Variants in THSD7B observed in about 807,000 individuals in gnomAD.
THSD7B encodes the protein thrombospondin type 1 domain containing 7B, also known as thrombospondin type-1 domain-containing protein 7B.
A neutral mutation model predicts 213.6 loss-of-function variants in THSD7B; 138 were observed. The ratio of observed to expected loss-of-function variants is 0.65; its 90% CI spans 0.56 to 0.74. The LOEUF is 0.74. Ranked by LOEUF, THSD7B falls within the 30% of genes least tolerant of loss-of-function variation. The pLI, the probability that THSD7B is intolerant of heterozygous loss-of-function variation, is 0.00. For missense variants in THSD7B, 1,931 were observed against 1,991.5 expected, an observed-to-expected ratio of 0.97 and a Z score of 0.58; for synonymous variants, 742 against 687.0, an observed-to-expected ratio of 1.08 and a Z score of -1.25.
chr2:137,568,110 G>A (rs1456270504), intron 16 of THSD7B, among the ~76,000 whole-genome samples: 1 of 152,094 alleles, frequency 6.6e-6, no homozygotes, highest in Non-Finnish European at 1.5e-5. Flanking sequence ...ATTGAGTTTG[G>A]CAATGGGGAG....
intron 12 of THSD7B, among the ~76,000 whole-genome samples, chr2:137,377,857 C>T (rs747139671): frequency 6.6e-6 from 1 of 152,058 alleles, no homozygotes; most frequent in Admixed American, 6.6e-5. Context: ...AAACTCCTGA[C>T]CTCGTGATCC....
intron 20 of THSD7B, among the ~76,000 whole-genome samples, chr2:137,632,614 C>T (rs527320614): frequency 7.9e-5 from 12 of 152,190 alleles, no homozygotes; most frequent in Admixed American, 1.3e-4. Flanking sequence ...TGGAGGTAAG[C>T]GGTCAGAATG....
In THSD7B at chr2:137,656,929, C is replaced by G. The variant is rs758888396; in HGVS notation, c.4239C>G (p.Asp1413Glu). The G allele has an allele frequency of 6.2e-6, 10 of 1,614,048 alleles. No homozygotes were observed. The South Asian group carries it at 6.6e-5, about 11-fold the overall frequency. The stretch of plus-strand genomic sequence containing the variant: ...TAATTCAGTCTTTTGAGAACCAAGA[C>G]AGCTGCCCCCAACAGGTTCTAGAAA... ...TFIIQSFENQ[D>E]SCPQQVLETR... Residue 1413 changes from aspartate to glutamate, a missense_variant, in exon 23 of 28, where the codon GAC becomes GAG. Asp to Glu is a conservative substitution (Grantham distance 45). Coordinates refer to ENST00000409968, the MANE Select transcript of THSD7B (RefSeq NM_001316349.2).
intron 7 of THSD7B, among the ~76,000 whole-genome samples, chr2:137,190,370 C>A (rs918103453): frequency 1.3e-5 from 2 of 152,096 alleles, no homozygotes; most frequent in Admixed American, 1.3e-4. Context: ...GCTTGAAGAA[C>A]GGAAGCAAGT....
In THSD7B at chr2:137,677,070, C is replaced by T. The variant is rs1683719199; in HGVS notation, c.*465C>T. The T allele has an allele frequency of 6.5e-6, 1 of 152,790 alleles. No homozygotes were observed. The highest frequency in any genetic ancestry group is 2.1e-4 in the South Asian group (1 of 4,834). 9.5% of individuals were successfully genotyped at this position (152,790 alleles called of 1,614,324 possible). Reference sequence around the variant, plus strand: ...TCAACACTGAGTTTTCTAGAGTTTACTTTGGTTTAAAGACTTTCAAATTGG... The same window carrying T: ...TCAACACTGAGTTTTCTAGAGTTTATTTTGGTTTAAAGACTTTCAAATTGG... On this transcript the variant is annotated 3_prime_UTR_variant, in exon 28 of 28. Transcript: ENST00000409968.
At chr2:136,869,104 A>AT (rs1683389965) in intron 1 of THSD7B, among the ~76,000 whole-genome samples, 1 of 152,176 alleles carries the variant, frequency 6.6e-6, no homozygotes, top group South Asian at 2.1e-4. Context: ...TTTGTAAAAA[A>AT]AGTTCTCCAC....
chr2:137,094,154 G>A (rs1687998481), intron 3 of THSD7B, among the ~76,000 whole-genome samples: 1 of 152,122 alleles, frequency 6.6e-6, no homozygotes, highest in Admixed American at 6.6e-5. Flanking sequence ...TCTACAAAAT[G>A]GATATAATAA....
intron 5 of THSD7B, among the ~76,000 whole-genome samples, chr2:137,148,231 G>C (rs1204669627): frequency 6.6e-6 from 1 of 152,074 alleles, no homozygotes; most frequent in African/African-American, 2.4e-5. Context: ...TGAAGGACGT[G>C]TTTGCTTCCC....
At chr2:137,610,120 T>C (rs1682260996) in intron 17 of THSD7B, among the ~76,000 whole-genome samples, 1 of 152,146 alleles carries the variant, frequency 6.6e-6, no homozygotes, top group Admixed American at 6.6e-5. Flanking sequence ...TTTGAGGGCA[T>C]TGGTTTTAAA....
rs564811990 is a variant in THSD7B, at chr2:137,570,133, T to C, written c.3273-2273T>C. 5.9e-5 allele frequency among the ~76,000 whole-genome samples: 9 copies of C among 152,094 alleles called. No homozygotes were observed. In the South Asian group the frequency reaches 1.9e-3, roughly 32 times the overall value. ...AAAGTCCATAGAATTAAAGTCCCTA[T>C]ATTAGAAGGCATTATTACAACTTTT... On this transcript the variant is annotated intron_variant, in intron 16 of 27. Transcript: ENST00000409968.
At chr2:137,500,285 T>C (rs1346377950) in intron 15 of THSD7B, among the ~76,000 whole-genome samples, 3 of 152,246 alleles carry the variant, frequency 2.0e-5, no homozygotes, top group African/African-American at 7.2e-5. Context: ...AGAAGTTGAA[T>C]CTAAGGTTCA....
At chr2:136,869,097 G>T (rs1010929539) in intron 1 of THSD7B, among the ~76,000 whole-genome samples, 1 of 151,578 alleles carries the variant, frequency 6.6e-6, no homozygotes, top group Non-Finnish European at 1.5e-5. Context: ...TTTATAATTT[G>T]TAAAAAAAGT....
intron 14 of THSD7B, among the ~76,000 whole-genome samples, chr2:137,435,901 G>T (rs1432764558): frequency 6.6e-6 from 1 of 152,034 alleles, no homozygotes; most frequent in South Asian, 2.1e-4. Flanking sequence ...TAACTTTCCA[G>T]TTCCTTCCAT....
At chr2:137,313,338 T>G (rs1683972165) in intron 12 of THSD7B, among the ~76,000 whole-genome samples, 1 of 152,100 alleles carries the variant, frequency 6.6e-6, no homozygotes, top group Non-Finnish European at 1.5e-5. Context: ...ACCCCTGCCT[T>G]TTTTTGTTTT....
chr2:137,063,024 G>A (rs542305007), intron 3 of THSD7B, among the ~76,000 whole-genome samples: 13 of 151,894 alleles, frequency 8.6e-5, no homozygotes, highest in African/African-American at 2.9e-4. Context: ...TCTTATTGGA[G>A]AAATAATCTC....
chr2:137,100,025 T>TG (rs1049539101), intron 4 of THSD7B, among the ~76,000 whole-genome samples: 10 of 152,310 alleles, frequency 6.6e-5, no homozygotes, highest in African/African-American at 2.4e-4. Context: ...TTGATTTGCT[T>TG]GTGAAACAAA....
chr2:137,064,317 G>A (rs555587767), intron 3 of THSD7B, among the ~76,000 whole-genome samples: 134 of 152,128 alleles, frequency 8.8e-4, no homozygotes, highest in African/African-American at 3.2e-3. Flanking sequence ...TTTGAGAAAT[G>A]TCTATTAAGA....
Position 137,057,059 on chromosome 2 carries a change from A to G in THSD7B, c.779A>G (p.Asn260Ser). The change falls in exon 3 of 28, where the codon AAT (asparagine) becomes AGT (serine). Residue 260 changes from asparagine (N) to serine (S), a missense_variant. By Grantham distance (46) the Asn-to-Ser change is conservative. Coordinates refer to ENST00000409968, the MANE Select transcript of THSD7B (RefSeq NM_001316349.2). ...AGACTGCCTCATCTTAAAGAAATTA[A>G]TCCAAGCGGAAGAACTGTTCTGGAT... Reference protein sequence around the residue: ...KCRLPHLKEINPSGRTVLDFN... With the variant: ...KCRLPHLKEISPSGRTVLDFN... 3.1e-6 allele frequency: 5 copies of G among 1,613,928 alleles called. No homozygotes were observed. The highest frequency in any genetic ancestry group is 4.2e-6 in the Non-Finnish European group (5 of 1,179,890).
At chr2:137,520,395 G>GTA (rs1298789441) in intron 15 of THSD7B, among the ~76,000 whole-genome samples, 1 of 152,186 alleles carries the variant, frequency 6.6e-6, no homozygotes, top group Non-Finnish European at 1.5e-5. Context: ...TAAGCACTCT[G>GTA]TATATATAAT....
Sources: allele counts gnomAD v4.1 joint callset (sites outside exome capture counted in the v4.1 genomes callset), GRCh38; gene constraint gnomAD v4.1.1; transcripts MANE v1.5; gene names NCBI Gene and HGNC (gene_info 2026-07-23, HGNC 2026-07-21).